Variants in COP1 observed in about 807,000 individuals in gnomAD.
COP1 encodes COP1 E3 ubiquitin ligase, also known as E3 ubiquitin-protein ligase COP1.
COP1 carries 24 observed loss-of-function variants against 101.3 expected under a neutral mutation model. That is an observed-to-expected ratio of 0.24 (90% confidence interval 0.17 to 0.33). The LOEUF is 0.33. Among genes scored for constraint, COP1 ranks in the 10% least tolerant of loss-of-function variants. COP1 has a pLI of 1.00. For missense variants in COP1, 663 were observed against 906.2 expected, an observed-to-expected ratio of 0.73 and a Z score of 3.45; for synonymous variants, 347 against 341.9, an observed-to-expected ratio of 1.01 and a Z score of -0.17.
At chr1:175,974,862 G>A (rs755756487) in intron 18 of COP1, among the ~76,000 whole-genome samples, 11 of 148,042 alleles carry the variant, frequency 7.4e-5, no homozygotes, top group Non-Finnish European at 1.5e-4. Context: ...GGTGGTCAAG[G>A]CTGCAATGAG....
At chr1:176,057,132 A>G (rs1156965647) in intron 11 of COP1, among the ~76,000 whole-genome samples, 1 of 152,234 alleles carries the variant, frequency 6.6e-6, no homozygotes, top group African/African-American at 2.4e-5. Context: ...TGAACATTCC[A>G]AACTTACTAA....
In COP1 at chr1:176,108,351, C is replaced by T. The variant is rs534356872; in HGVS notation, c.1026+8273G>A. ...TTGTAGCACTATTTCTGTAACTATT[C>T]TATTATGGCTGGGCATGTTTATTTT... On this transcript the variant is annotated intron_variant, in intron 9 of 19. Coordinates refer to ENST00000367669, the MANE Select transcript of COP1 (RefSeq NM_022457.7). 3.9e-5 allele frequency among the ~76,000 whole-genome samples: 6 copies of T among 152,188 alleles called. No individual in the cohort carries two copies. In the South Asian group the frequency reaches 1.2e-3, roughly 32 times the overall value.
chr1:176,006,544 G>T (rs1000949552), intron 15 of COP1, among the ~76,000 whole-genome samples: 2 of 152,118 alleles, frequency 1.3e-5, no homozygotes, highest in Non-Finnish European at 2.9e-5. Context: ...GGCAGGCCTG[G>T]TGGTGACAAA....
chr1:176,034,113 C>G (rs1175083713), intron 14 of COP1, among the ~76,000 whole-genome samples: 1 of 152,102 alleles, frequency 6.6e-6, no homozygotes, highest in Non-Finnish European at 1.5e-5. Context: ...TATGAGGAAA[C>G]TGAAAAAGTA....
intron 18 of COP1, among the ~76,000 whole-genome samples, chr1:175,984,011 C>T: frequency 6.6e-6 from 1 of 152,176 alleles, no homozygotes; most frequent in Non-Finnish European, 1.5e-5. Context: ...AAAAAATTTG[C>T]AGCCTGACAA....
chr1:176,175,953 G>A lies in COP1; in HGVS notation c.522C>T (p.Asn174=), dbSNP rs1696872058. 6.3e-7 allele frequency: 1 copy of A among 1,589,006 alleles called. No homozygotes were observed. Among genetic ancestry groups the A allele is most frequent in the Non-Finnish European group, 8.6e-7 (1 of 1,159,850 alleles). Residue 174 remains asparagine (N), a synonymous_variant, in exon 3 of 20, where the codon AAC becomes AAT. Transcript: ENST00000367669. ...GATGGTCAATATTGTCCACAACATA[G>A]TTACACTTGGGACATCTATTATTGT... ...LEDNNRCPKC[N]YVVDNIDHLY... is the part of the protein sequence containing the mutation.
chr1:175,986,098 C>A (rs1657043815), intron 18 of COP1, among the ~76,000 whole-genome samples: 1 of 152,164 alleles, frequency 6.6e-6, no homozygotes, highest in Non-Finnish European at 1.5e-5. Flanking sequence ...TGGCTCACTG[C>A]AAGCTCTGCC....
chr1:176,136,013 C>A (rs186991584), intron 7 of COP1, among the ~76,000 whole-genome samples: 16 of 151,992 alleles, frequency 1.1e-4, no homozygotes, highest in Non-Finnish European at 2.2e-4. Flanking sequence ...AATCATAATA[C>A]CCTATAAGAC....
rs1572489998 is a variant in COP1 at position 176,142,245 on chromosome 1, T to C, written c.832-5698A>G. On this transcript the variant is annotated intron_variant, in intron 6 of 19. Transcript: ENST00000367669. Reference sequence around the variant, plus strand: ...ACAAAAAATTTACTTTAAAACATTATAGATAAATCAAAATGGAATTCCGAA... The same window carrying C: ...ACAAAAAATTTACTTTAAAACATTACAGATAAATCAAAATGGAATTCCGAA... Among the ~76,000 whole-genome samples, 6 of 151,782 alleles carry C rather than the reference T, an allele frequency of 4.0e-5. No homozygotes were observed. The South Asian group carries it at 6.2e-4, about 16-fold the overall frequency.
chr1:175,998,063 T>TAAAAAAAAAAAAAAA (rs57110017), intron 15 of COP1, among the ~76,000 whole-genome samples: 20 of 66,820 alleles, frequency 3.0e-4, no homozygotes, highest in African/African-American at 1.3e-3. Context: ...AGAGTATAAT[T>TAAAAAAAAAAAAAAA]AAAAAAAAAA....
intron 15 of COP1, among the ~76,000 whole-genome samples, chr1:176,001,812 C>A (rs1459780491): frequency 1.3e-5 from 2 of 152,108 alleles, no homozygotes; most frequent in East Asian, 3.9e-4. Flanking sequence ...CTCGGTTTAT[C>A]TGGGAATATC....
intron 12 of COP1, among the ~76,000 whole-genome samples, chr1:176,044,463 T>C (rs1210128109): frequency 6.6e-6 from 1 of 152,212 alleles, no homozygotes. Context: ...TGGAAGAAGT[T>C]ACTTAGAAGG....
intron 3 of COP1, among the ~76,000 whole-genome samples, chr1:176,168,325 G>A (rs888631120): frequency 6.6e-6 from 1 of 151,566 alleles, no homozygotes; most frequent in Non-Finnish European, 1.5e-5. Flanking sequence ...TCAAAGTGCT[G>A]GGATTACAGG....
intron 18 of COP1, among the ~76,000 whole-genome samples, chr1:175,986,328 T>C (rs1273377216): frequency 6.6e-6 from 1 of 151,654 alleles, no homozygotes; most frequent in African/African-American, 2.4e-5. Flanking sequence ...CTAAGAATTA[T>C]TTTTTCATAT....
chr1:176,014,756 A>G (rs1665319383), intron 15 of COP1, among the ~76,000 whole-genome samples: 1 of 152,194 alleles, frequency 6.6e-6, no homozygotes, highest in African/African-American at 2.4e-5. Flanking sequence ...GTATACATAC[A>G]TATATATGTA....
intron 14 of COP1, among the ~76,000 whole-genome samples, chr1:176,038,091 A>G (rs955948087): frequency 3.3e-5 from 5 of 152,230 alleles, no homozygotes; most frequent in African/African-American, 1.2e-4. Flanking sequence ...TAGCAAGTAC[A>G]TTGGCACAAT....
In COP1 at chr1:176,106,967, G is replaced by A. The variant is rs201075229; in HGVS notation, c.1026+9657C>T. On this transcript the variant is annotated intron_variant, in intron 9 of 19. Coordinates refer to ENST00000367669, the MANE Select transcript of COP1 (RefSeq NM_022457.7). ...AGCCAGTAGTGATTCTAAATCTGGT[G>A]ACAAAGCAATTCCGGTGCAACCTAG... Among the ~76,000 whole-genome samples the A allele has an allele frequency of 5.9e-5, 9 of 152,204 alleles. No individual in the cohort carries two copies. The East Asian group carries it at 1.7e-3, about 29-fold the overall frequency.
chr1:176,044,372 A>G (rs1449570605), intron 12 of COP1, among the ~76,000 whole-genome samples: 1 of 152,184 alleles, frequency 6.6e-6, no homozygotes, highest in Non-Finnish European at 1.5e-5. Flanking sequence ...ATTCTCAAGT[A>G]CTCCAGAAGT....
intron 18 of COP1, among the ~76,000 whole-genome samples, chr1:175,974,528 A>T (rs1350899889): frequency 1.3e-5 from 2 of 152,218 alleles, no homozygotes; most frequent in African/African-American, 4.8e-5. Context: ...CACTCAGTTC[A>T]AATGTTAAAA....
Sources: allele counts gnomAD v4.1 joint callset (sites outside exome capture counted in the v4.1 genomes callset), GRCh38; gene constraint gnomAD v4.1.1; transcripts MANE v1.5; gene names NCBI Gene and HGNC (gene_info 2026-07-23, HGNC 2026-07-21).